Variants in HMGB1 observed in about 807,000 individuals in gnomAD.
The protein encoded by HMGB1 is high mobility group protein B1.
For missense variants in HMGB1, 79 were observed against 253.5 expected (o/e 0.31, Z 4.67); for synonymous variants, 81 against 84.0 (o/e 0.96, Z 0.19).
intron 1 of HMGB1, among the ~76,000 whole-genome samples, chr13:30,496,139 T>C (rs577498014): frequency 6.6e-6 from 1 of 152,366 alleles, no homozygotes; most frequent in East Asian, 1.9e-4. Flanking sequence ...TATGACACTA[T>C]TGGGCACCTG....
At chr13:30,614,555 G>A (rs1950542584) in intron 1 of HMGB1, among the ~76,000 whole-genome samples, 1 of 152,196 alleles carries the variant, frequency 6.6e-6, no homozygotes, top group Admixed American at 6.5e-5. Context: ...TCAGTGACTT[G>A]TGTAAGGTCA....
chr13:30,531,565 G>A (rs551784979), intron 1 of HMGB1, among the ~76,000 whole-genome samples: 9 of 141,678 alleles, frequency 6.4e-5, no homozygotes, highest in South Asian at 2.2e-4. Flanking sequence ...TGTTTTCAGC[G>A]AAATTTTTTT....
Position 30,465,827 on chromosome 13 carries a change from G to C in HMGB1, c.-46C>G, listed in dbSNP as rs934663732. On this transcript the variant is annotated 5_prime_UTR_variant, in exon 1 of 5. Coordinates refer to ENST00000341423, the MANE Select transcript of HMGB1 (RefSeq NM_002128.7). The stretch of plus-strand genomic sequence containing the variant: ...CGAGGCACAGAGTCGCCCAGTGCCC[G>C]TCCGGCTCTCACTTGCCCCGGTGCT... The C allele has an allele frequency of 1.0e-6, 1 of 985,614 alleles. No individual in the cohort carries two copies. The highest frequency in any genetic ancestry group is 1.2e-6 in the Non-Finnish European group (1 of 829,726). 61.1% of individuals were successfully genotyped at this position (985,614 alleles called of 1,614,324 possible). A position where few individuals can be genotyped will look rare whatever the true frequency, so the allele number is the denominator to read the frequency against.
At chr13:30,489,356 C>G (rs1348444979) in intron 1 of HMGB1, among the ~76,000 whole-genome samples, 8 of 152,002 alleles carry the variant, frequency 5.3e-5, no homozygotes, top group Admixed American at 5.2e-4. Flanking sequence ...CAAAAAAACT[C>G]TTATTGAAGG....
intron 1 of HMGB1, among the ~76,000 whole-genome samples, chr13:30,545,245 G>GGGCAATAC (rs1869094159): frequency 6.6e-6 from 1 of 151,960 alleles, no homozygotes; most frequent in East Asian, 1.9e-4. Flanking sequence ...AGGTCAGCCT[G>GGGCAATAC]GGCAATACAG....
chr13:30,606,645 C>T (rs1324320828), intron 1 of HMGB1, among the ~76,000 whole-genome samples: 1 of 152,162 alleles, frequency 6.6e-6, no homozygotes, highest in Non-Finnish European at 1.5e-5. Context: ...ATAATATGCT[C>T]TACATGCTTA....
At position 30,498,178 on chromosome 13, in the gene HMGB1, G is replaced by A. The variant is rs1242384181; in HGVS notation, c.-14-34484C>T. The stretch of plus-strand genomic sequence containing the variant: ...GACTAGTGTGGGATAGTATCTCATT[G>A]GGGTTTTGATTTGCATTTCTCTTGC... On this transcript the variant is annotated intron_variant, in intron 1 of 4. Coordinates refer to the HMGB1 transcript ENST00000405805. Among the ~76,000 whole-genome samples, 3 of 152,088 alleles carry A rather than the reference G, an allele frequency of 2.0e-5. No homozygotes were observed. In the East Asian group the frequency reaches 5.8e-4, roughly 29 times the overall value.
intron 1 of HMGB1, chr13:30,465,044 G>A (rs1301238215): frequency 6.0e-5 from 32 of 533,246 alleles, no homozygotes; most frequent in Middle Eastern, 1.8e-3. Flanking sequence ...ACGCGGGGCT[G>A]TGAAAAGAGA....
intron 1 of HMGB1, among the ~76,000 whole-genome samples, chr13:30,571,949 CA>C (rs1187355605): frequency 6.6e-6 from 1 of 151,938 alleles, no homozygotes; most frequent in Non-Finnish European, 1.5e-5. Context: ...ATGATAAACT[CA>C]GTTGTCTACA....
chr13:30,605,858 C>T (rs1459144607), intron 1 of HMGB1, among the ~76,000 whole-genome samples: 1 of 152,192 alleles, frequency 6.6e-6, no homozygotes, highest in Non-Finnish European at 1.5e-5. Context: ...TATGTTTTCC[C>T]TGTATGTACT....
intron 4 of HMGB1, 52 bp from the exon 5 acceptor site, chr13:30,461,585 A>T: frequency 6.4e-7 from 1 of 1,569,024 alleles, no homozygotes; most frequent in Non-Finnish European, 8.7e-7. Flanking sequence ...AACATTAAGG[A>T]AAGAAATAGA....
intron 1 of HMGB1, among the ~76,000 whole-genome samples, chr13:30,590,749 C>A (rs2137552460): frequency 6.6e-6 from 1 of 152,176 alleles, no homozygotes; most frequent in East Asian, 1.9e-4. Context: ...AGGGTGGAGC[C>A]CTCATGAATA....
chr13:30,505,218 A>G (rs550032201), intron 1 of HMGB1, among the ~76,000 whole-genome samples: 9 of 151,606 alleles, frequency 5.9e-5, no homozygotes, highest in South Asian at 4.2e-4. Context: ...TGCCCTTGTC[A>G]CCCAGGCTGG....
chr13:30,603,420 T>C (rs1234832478), intron 1 of HMGB1, among the ~76,000 whole-genome samples: 1 of 152,192 alleles, frequency 6.6e-6, no homozygotes, highest in Admixed American at 6.5e-5. Flanking sequence ...ACCCTTTCTC[T>C]CCTTCTATAT....
At chr13:30,512,558 A>C (rs925441495) in intron 1 of HMGB1, among the ~76,000 whole-genome samples, 3 of 152,238 alleles carry the variant, frequency 2.0e-5, no homozygotes, top group African/African-American at 7.2e-5. Flanking sequence ...CTGATCAGAC[A>C]GACAGGCTGC....
In HMGB1 at chr13:30,601,609, A is replaced by G. The variant is rs1593338766; in HGVS notation, c.-15+15062T>C. ...AAATACAAAAAAATTAGCCGGGCGTAGTGGCGGGCGCCTGTAGTCCCAGCT... is the reference window on the plus strand; with the variant it reads ...AAATACAAAAAAATTAGCCGGGCGTGGTGGCGGGCGCCTGTAGTCCCAGCT... On this transcript the variant is annotated intron_variant, in intron 1 of 4. Coordinates refer to the HMGB1 transcript ENST00000405805. Among the ~76,000 whole-genome samples, 13 of 77,540 alleles carry G rather than the reference A, an allele frequency of 1.7e-4. 3 individuals carry two copies. The South Asian group carries it at 5.3e-3, about 32-fold the overall frequency. The allele number at this position is 77,540 out of a possible 152,430, so 50.9% of individuals were successfully genotyped here.
At chr13:30,614,006 A>C (rs1302244360) in intron 1 of HMGB1, among the ~76,000 whole-genome samples, 1 of 152,236 alleles carries the variant, frequency 6.6e-6, no homozygotes, top group African/African-American at 2.4e-5. Flanking sequence ...AAATAATAAC[A>C]GAACAACTTT....
intron 1 of HMGB1, among the ~76,000 whole-genome samples, chr13:30,501,962 T>G (rs1887744623): frequency 6.6e-6 from 1 of 152,218 alleles, no homozygotes; most frequent in Admixed American, 6.5e-5. Context: ...TATAGCAGAT[T>G]GATTAAAAGA....
chr13:30,489,082 T>A (rs1887428334), intron 1 of HMGB1, among the ~76,000 whole-genome samples: 1 of 152,172 alleles, frequency 6.6e-6, no homozygotes, highest in Admixed American at 6.5e-5. Flanking sequence ...TCTAAATACA[T>A]TTTTGAGTGA....
Sources: allele counts gnomAD v4.1 joint callset (sites outside exome capture counted in the v4.1 genomes callset), GRCh38; gene constraint gnomAD v4.1.1; transcripts MANE v1.5; gene names NCBI Gene and HGNC (gene_info 2026-07-23, HGNC 2026-07-21).